CTNNA2: variants seen among roughly 807,000 people sequenced by gnomAD.
CTNNA2 encodes catenin alpha-2.
In CTNNA2, 42 loss-of-function variants were observed where a neutral mutation model predicts 101.0. The ratio of observed to expected loss-of-function variants is 0.42; its 90% CI spans 0.32 to 0.54. CTNNA2 has a LOEUF of 0.54. CTNNA2 is among the 20% of genes least tolerant of loss of function. The probability of loss-of-function intolerance (pLI) is 0.14; values close to 1 mark genes in which losing one functional copy is unlikely to be tolerated. For missense variants in CTNNA2, 871 were observed against 1,223.1 expected, an observed-to-expected ratio of 0.71 and a Z score of 4.29; for synonymous variants, 450 against 456.4, an observed-to-expected ratio of 0.99 and a Z score of 0.18.
chr2:80,502,482 T>C (rs1427336601), intron 9 of CTNNA2, among the ~76,000 whole-genome samples: 1 of 152,218 alleles, frequency 6.6e-6, no homozygotes, highest in Non-Finnish European at 1.5e-5. Flanking sequence ...CAAGGAAGTC[T>C]AAAGACAAAG....
chr2:80,002,284 G>T (rs1228356661), intron 7 of CTNNA2, among the ~76,000 whole-genome samples: 1 of 152,090 alleles, frequency 6.6e-6, no homozygotes, highest in Non-Finnish European at 1.5e-5. Context: ...CTGGTACCAC[G>T]TGGACCGCTC....
intron 4 of CTNNA2, among the ~76,000 whole-genome samples, chr2:79,449,014 A>C (rs1678861446): frequency 6.6e-6 from 1 of 152,150 alleles, no homozygotes; most frequent in East Asian, 1.9e-4. Flanking sequence ...AAGCAGACAT[A>C]TTTTGAAACC....
chr2:79,814,555 C>T (rs1470816159), intron 3 of CTNNA2, among the ~76,000 whole-genome samples: 1 of 151,644 alleles, frequency 6.6e-6, no homozygotes, highest in Non-Finnish European at 1.5e-5. Flanking sequence ...CTGCAAATGC[C>T]ATTAATTCAT....
chr2:80,547,972 G>A (rs911979595), intron 11 of CTNNA2, among the ~76,000 whole-genome samples: 6 of 152,202 alleles, frequency 3.9e-5, no homozygotes, highest in Admixed American at 1.3e-4. Flanking sequence ...TATTACAGGC[G>A]TGAGCCATCG....
intron 9 of CTNNA2, among the ~76,000 whole-genome samples, chr2:80,447,254 C>T (rs1410441467): frequency 6.6e-6 from 1 of 152,136 alleles, no homozygotes; most frequent in African/African-American, 2.4e-5. Context: ...TTTTCCAATG[C>T]CTTCAATCTA....
chr2:79,850,901 A>G (rs142506708), intron 3 of CTNNA2, among the ~76,000 whole-genome samples: 179 of 152,308 alleles, frequency 1.2e-3, no homozygotes, highest in African/African-American at 3.8e-3. Flanking sequence ...TTAAGTCCAG[A>G]TAGATACAGC....
At chr2:79,996,736 A>G (rs1692571020) in intron 7 of CTNNA2, among the ~76,000 whole-genome samples, 1 of 152,204 alleles carries the variant, frequency 6.6e-6, no homozygotes. Context: ...GTGTGGCACT[A>G]CAATGCAGTG....
chr2:80,407,057 C>T (rs1193293797), intron 8 of CTNNA2, among the ~76,000 whole-genome samples: 1 of 152,146 alleles, frequency 6.6e-6, no homozygotes, highest in Non-Finnish European at 1.5e-5. Flanking sequence ...GCCAACCCAA[C>T]TAGATACAAC....
intron 7 of CTNNA2, among the ~76,000 whole-genome samples, chr2:79,952,807 A>G (rs1688976145): frequency 6.6e-6 from 1 of 152,216 alleles, no homozygotes; most frequent in Non-Finnish European, 1.5e-5. Context: ...AGAGTTGAGT[A>G]GTGGTGATGG....
chr2:80,431,357 A>G (rs1369702112), intron 9 of CTNNA2, among the ~76,000 whole-genome samples: 1 of 152,080 alleles, frequency 6.6e-6, no homozygotes, highest in Admixed American at 6.6e-5. Context: ...ATTTACCCCT[A>G]CTGCTGTGTG....
At chr2:80,623,083 AG>A (rs1191766478) in intron 18 of CTNNA2, among the ~76,000 whole-genome samples, 2 of 148,918 alleles carry the variant, frequency 1.3e-5, no homozygotes, top group East Asian at 4.1e-4. Context: ...AGCAGAAGTT[AG>A]ATTATGTTTG....
rs527701227 is a variant in CTNNA2 at position 80,420,034 on chromosome 2, G to GAA, written c.1290+461_1290+462dup. ...GATGCTGTCCACACTGGGAACTTGT[G>GAA]AAAAAAAAAAAAAAAAAAAAAAAAA... On this transcript the variant is annotated intron_variant, in intron 9 of 18. Transcript: ENST00000402739. Among the ~76,000 whole-genome samples, 217 of 37,504 alleles carry GAA rather than the reference G, an allele frequency of 5.8e-3. 10 individuals carry two copies. The highest frequency in any genetic ancestry group is 0.017 in the South Asian group (11 of 654). The allele number at this position is 37,504 out of a possible 152,430, so 24.6% of individuals were successfully genotyped here.
intron 2 of CTNNA2, among the ~76,000 whole-genome samples, chr2:79,679,356 G>T (rs927489103): frequency 6.6e-6 from 1 of 152,252 alleles, no homozygotes; most frequent in Non-Finnish European, 1.5e-5. Context: ...AAGCCTCATT[G>T]GTGGGCGGGT....
intron 7 of CTNNA2, among the ~76,000 whole-genome samples, chr2:80,044,377 A>T (rs1294059833): frequency 2.2e-5 from 1 of 45,968 alleles, no homozygotes; most frequent in Non-Finnish European, 4.2e-5. Flanking sequence ...CAAATGCCAC[A>T]TTTGTAAAAA....
At chr2:79,311,099 ACT>A (rs1676357082) in intron 2 of CTNNA2, among the ~76,000 whole-genome samples, 1 of 152,134 alleles carries the variant, frequency 6.6e-6, no homozygotes, top group South Asian at 2.1e-4. Flanking sequence ...CTTAAGTATG[ACT>A]CTGTCCAAAT....
chr2:79,583,282 A>G (rs1044720019), intron 1 of CTNNA2, among the ~76,000 whole-genome samples: 5 of 151,798 alleles, frequency 3.3e-5, no homozygotes, highest in Non-Finnish European at 7.4e-5. Flanking sequence ...TGTTTATCCT[A>G]TGGTTCATAT....
At position 80,281,994 on chromosome 2, in the gene CTNNA2, C is replaced by T. The variant is rs139148626; in HGVS notation, c.1057-111217C>T. 9.0e-3 allele frequency among the ~76,000 whole-genome samples: 1,356 copies of T among 151,436 alleles called. 8 individuals are homozygous for T. Among genetic ancestry groups the T allele is most frequent in the Admixed American group, 0.018 (275 of 15,186 alleles). ...GAATAATAGAACCTGCATGTTGATC[C>T]GGCATTGTAGTAGGAAAAGCATGTA... On this transcript the variant is annotated intron_variant, in intron 7 of 18. Coordinates refer to ENST00000402739, the MANE Select transcript of CTNNA2 (RefSeq NM_001282597.3).
At chr2:80,556,119 T>C (rs1693008039) in intron 12 of CTNNA2, among the ~76,000 whole-genome samples, 1 of 152,204 alleles carries the variant, frequency 6.6e-6, no homozygotes. Context: ...TTCTTTATAC[T>C]TTTCATATAG....
In CTNNA2 at chr2:79,982,192, C is replaced by CTATATATA. The variant is rs70940064; in HGVS notation, c.1056+72437_1056+72444dup. Among the ~76,000 whole-genome samples the CTATATATA allele has an allele frequency of 4.9e-3, 364 of 74,788 alleles. 4 individuals carry two copies. Among genetic ancestry groups the CTATATATA allele is most frequent in the South Asian group, 7.2e-3 (14 of 1,936 alleles). 49.1% of individuals were successfully genotyped at this position (74,788 alleles called of 152,430 possible). A position where few individuals can be genotyped will look rare whatever the true frequency, so the allele number is the denominator to read the frequency against. On this transcript the variant is annotated intron_variant, in intron 7 of 18. Transcript: ENST00000402739. The stretch of plus-strand genomic sequence containing the variant: ...TACCTGAGACCACAGGCATGTGCCA[C>CTATATATA]TATATATATATATATATATATATAT...
Sources: allele counts gnomAD v4.1 joint callset (sites outside exome capture counted in the v4.1 genomes callset), GRCh38; gene constraint gnomAD v4.1.1; transcripts MANE v1.5; gene names NCBI Gene and HGNC (gene_info 2026-07-23, HGNC 2026-07-21).